JHY: variants seen among roughly 807,000 people sequenced by gnomAD.
The protein encoded by JHY is jhy protein homolog.
In JHY, 69 loss-of-function variants were observed where a neutral mutation model predicts 78.0. The observed-to-expected ratio is 0.88, with a 90% CI of 0.73 to 1.08. JHY has a LOEUF of 1.08. JHY is among the 50% of genes least tolerant of loss of function. JHY has a pLI of 0.00. For synonymous variants in JHY, 368 were observed against 342.6 expected (o/e 1.07, Z -0.82); for missense variants, 944 against 927.8 (o/e 1.02, Z -0.23).
intron 8 of JHY, 172 bp from the exon 9 acceptor site, chr11:122,959,074 ATT>A: frequency 2.1e-6 from 2 of 955,922 alleles, no homozygotes; most frequent in Non-Finnish European, 2.5e-6. Flanking sequence ...TGGCTAATGT[ATT>A]TTGTTTAAAC....
At chr11:122,948,693 A>G (rs986739996) in intron 6 of JHY, among the ~76,000 whole-genome samples, 13 of 152,134 alleles carry the variant, frequency 8.5e-5, no homozygotes, top group African/African-American at 2.4e-4. Context: ...GCACAGAGGA[A>G]CGTAAAGGAA....
chr11:122,934,220 G>T (rs1419374208), intron 4 of JHY, among the ~76,000 whole-genome samples, 200 bp from the exon 5 acceptor site: 6 of 151,994 alleles, frequency 3.9e-5, no homozygotes, highest in Admixed American at 3.9e-4. Flanking sequence ...GTGGGCTGAG[G>T]CAGGAGAATG....
At chr11:122,923,158 T>C (rs1863412819) in intron 3 of JHY, among the ~76,000 whole-genome samples, 1 of 152,126 alleles carries the variant, frequency 6.6e-6, no homozygotes, top group East Asian at 1.9e-4. Context: ...CGCAGAGCTG[T>C]TGTCTGAAGA....
intron 7 of JHY, among the ~76,000 whole-genome samples, chr11:122,956,931 G>T (rs1864205443): frequency 6.6e-6 from 1 of 152,056 alleles, no homozygotes; most frequent in South Asian, 2.1e-4. Flanking sequence ...ACACTTACGG[G>T]AAGAGTTTCC....
At chr11:122,940,313 G>A (rs1055008843) in intron 5 of JHY, among the ~76,000 whole-genome samples, 1 of 151,964 alleles carries the variant, frequency 6.6e-6, no homozygotes, top group African/African-American at 2.4e-5. Flanking sequence ...ACTCCAGCCT[G>A]GGCAACAGAG....
chr11:122,912,889 C>T (rs1000239161), intron 3 of JHY, among the ~76,000 whole-genome samples: 1 of 151,928 alleles, frequency 6.6e-6, no homozygotes, highest in Admixed American at 6.6e-5. Flanking sequence ...AGAATTTATA[C>T]CAAGCTACGG....
At position 122,934,836 on chromosome 11, in the gene JHY, T is replaced by A; in HGVS notation, c.1395T>A (p.Asn465Lys). ...CTACTGGATGTGACTCTGGGCTGAA[T>A]GTTAATAAAGAAAGAGGACACAAAG... ...KNSTGCDSGLNVNKERGHKDQ... is the reference protein window; with the variant it reads ...KNSTGCDSGLKVNKERGHKDQ... Residue 465 changes from asparagine to lysine, a missense_variant, in exon 5 of 9, where the codon AAT (asparagine) becomes AAA (lysine). By Grantham distance (94) the Asn-to-Lys change is moderately conservative. Coordinates refer to ENST00000227349, the MANE Select transcript of JHY (RefSeq NM_024806.4). The A allele has an allele frequency of 1.9e-6, 3 of 1,614,036 alleles. No individual in the cohort carries two copies. The highest frequency in any genetic ancestry group is 2.5e-6 in the Non-Finnish European group (3 of 1,180,012).
chr11:122,884,891 G>A (rs984582435), intron 1 of JHY, among the ~76,000 whole-genome samples: 1 of 151,796 alleles, frequency 6.6e-6, no homozygotes, highest in Non-Finnish European at 1.5e-5. Flanking sequence ...CTGCCTGCCC[G>A]GCTCGAGTGA....
intron 3 of JHY, among the ~76,000 whole-genome samples, chr11:122,904,931 C>G (rs1370645618): frequency 6.6e-6 from 1 of 152,120 alleles, no homozygotes; most frequent in African/African-American, 2.4e-5. Flanking sequence ...ATGGAACATG[C>G]CCCAGCTCAC....
intron 7 of JHY, 122 bp from the exon 8 acceptor site, chr11:122,957,241 C>G: frequency 9.3e-7 from 1 of 1,072,486 alleles, no homozygotes; most frequent in South Asian, 2.7e-5. Context: ...CAAGGTGATC[C>G]CATTGCTCCT....
intron 2 of JHY, among the ~76,000 whole-genome samples, chr11:122,900,270 A>G (rs1862822891): frequency 6.6e-6 from 1 of 152,212 alleles, no homozygotes; most frequent in Admixed American, 6.5e-5. Flanking sequence ...CTTTACATCA[A>G]ATCAAAGAAA....
intron 6 of JHY, among the ~76,000 whole-genome samples, chr11:122,953,447 CA>C (rs1257095891): frequency 1.3e-5 from 2 of 151,602 alleles, no homozygotes; most frequent in Non-Finnish European, 2.9e-5. Context: ...ACTAAAAATA[CA>C]AAAATTAGAC....
chr11:122,937,383 G>A (rs1283384809), intron 5 of JHY, among the ~76,000 whole-genome samples: 2 of 151,776 alleles, frequency 1.3e-5, no homozygotes, highest in African/African-American at 4.8e-5. Context: ...ACCCCATCGG[G>A]CAATTTCTCA....
At position 122,945,063 on chromosome 11, in the gene JHY, A is replaced by G. The variant is rs551183725; in HGVS notation, c.1635-1435A>G. Among the ~76,000 whole-genome samples, 7 of 152,242 alleles carry G rather than the reference A, an allele frequency of 4.6e-5. No homozygotes were observed. In the South Asian group the frequency reaches 6.2e-4, roughly 14 times the overall value. ...AAATTATCACACATGTTCCCTTTGA[A>G]TATTATGTCTCTCAAATTTACTCTA... On this transcript the variant is annotated intron_variant, in intron 5 of 8. Coordinates refer to ENST00000227349, the MANE Select transcript of JHY (RefSeq NM_024806.4).
rs202068417 is a variant in JHY at position 122,959,293 on chromosome 11, C to G, written c.2185C>G (p.Leu729Val). The change falls in exon 9 of 9, where the codon CTG becomes GTG. Residue 729 changes from leucine (L) to valine (V), a missense_variant. Physicochemically the swap from Leu to Val is conservative, Grantham distance 32. Transcript: ENST00000227349. ...KTIPKPKPSN[L>V]THQASKEQKN... ...CATCCCCAAACCCAAACCATCAAAT[C>G]TGACTCATCAAGCATCAAAGGAACA... The G allele has an allele frequency of 1.2e-6, 2 of 1,614,054 alleles. No homozygotes were observed. The highest frequency in any genetic ancestry group is 2.7e-5 in the African/African-American group (2 of 74,934).
At chr11:122,885,614 T>C (rs1013402977) in intron 1 of JHY, 147 bp from the exon 2 acceptor site, 14 of 434,796 alleles carry the variant, frequency 3.2e-5, no homozygotes, top group Admixed American at 2.4e-4. Context: ...GTTTTTCTAA[T>C]AGACCTTTCT....
intron 4 of JHY, among the ~76,000 whole-genome samples, chr11:122,932,148 C>G (rs78186688): frequency 0.035 from 5,308 of 152,154 alleles, 290 homozygotes; most frequent in African/African-American, 0.12. Flanking sequence ...CAGGTCTTGC[C>G]ACCTAAAGAG....
At chr11:122,918,580 G>A (rs1188833903) in intron 3 of JHY, among the ~76,000 whole-genome samples, 1 of 151,478 alleles carries the variant, frequency 6.6e-6, no homozygotes, top group Non-Finnish European at 1.5e-5. Context: ...ATGGGAACAA[G>A]GGAGAGTGGA....
At chr11:122,944,242 T>C (rs561657591) in intron 5 of JHY, among the ~76,000 whole-genome samples, 18 of 152,196 alleles carry the variant, frequency 1.2e-4, no homozygotes, top group Admixed American at 7.2e-4. Flanking sequence ...ATTGTGGCAC[T>C]GATACCTTTG....
Sources: gnomAD v4.1 joint callset for allele counts (sites outside exome capture counted in the v4.1 genomes callset) on GRCh38, gnomAD v4.1.1 for gene constraint, MANE v1.5 for transcripts, NCBI Gene and HGNC (gene_info 2026-07-23, HGNC 2026-07-21) for gene names.